TMC8: variants seen among roughly 807,000 people sequenced by gnomAD.
TMC8 encodes the protein transmembrane channel like 8, also known as transmembrane channel-like protein 8.
A neutral mutation model predicts 76.0 loss-of-function variants in TMC8; 71 were observed. The observed-to-expected ratio is 0.93, with a 90% confidence interval of 0.77 to 1.14. TMC8 has a LOEUF of 1.14. TMC8 is among the 50% of genes most tolerant of loss of function. The probability of loss-of-function intolerance (pLI) is 0.00; values close to 1 mark genes in which losing one functional copy is unlikely to be tolerated. For missense variants in TMC8, 924 were observed against 947.9 expected (o/e 0.97, Z 0.33); for synonymous variants, 433 against 433.8 (o/e 1.00, Z 0.02).
At chr17:78,140,157 T>C (rs948064688) in intron 15 of TMC8, among the ~76,000 whole-genome samples, 5 of 152,140 alleles carry the variant, frequency 3.3e-5, no homozygotes, top group African/African-American at 1.2e-4. Context: ...ACCTCGTCTC[T>C]ACTAAAAATC....
Position 78,131,594 on chromosome 17 carries a change from G to A in TMC8, c.6G>A (p.Leu2=), listed in dbSNP as rs1426590345. The A allele has an allele frequency of 1.7e-5, 26 of 1,546,056 alleles. No homozygotes were observed. The highest frequency in any genetic ancestry group is 2.1e-5 in the Non-Finnish European group (24 of 1,146,912). ...CTCTACCCGTGCCCGCCGAGATGCT[G>A]CTGCCGCGGTCGGTGTCATCGGAGC... M[L]LPRSVSSERA... is the part of the protein sequence containing the mutation. The change falls in exon 2 of 16, where the codon CTG becomes CTA. Residue 2 remains leucine, a synonymous_variant. Coordinates refer to ENST00000318430, the MANE Select transcript of TMC8 (RefSeq NM_152468.5).
chr17:78,133,611 G>A, intron 6 of TMC8, 69 bp downstream of exon 6: 1 of 1,599,782 alleles, frequency 6.3e-7, no homozygotes, highest in Non-Finnish European at 8.5e-7. Context: ...TCCTTGGCAG[G>A]GTACCCTCCC....
Position 78,141,190 on chromosome 17 carries a change from C to T in TMC8, c.*78C>T. On this transcript the variant is annotated 3_prime_UTR_variant, in exon 16 of 16. Transcript: ENST00000318430. ...CTCCATCTTCCAGACCCCTGGCGAC[C>T]ACCGCCCCTCTCAGTGGCTCCAGGG... 1 of 1,011,994 alleles carries T rather than the reference C, an allele frequency of 9.9e-7. No homozygotes were observed. The highest frequency in any genetic ancestry group is 1.4e-6 in the Non-Finnish European group (1 of 724,268). 62.7% of individuals were successfully genotyped at this position (1,011,994 alleles called of 1,614,324 possible).
rs917555491 is a variant in TMC8 at position 78,132,462 on chromosome 17, C to T, written c.402C>T (p.Pro134=). 2 of 1,612,138 alleles carry T rather than the reference C, an allele frequency of 1.2e-6. No homozygotes were observed. Among genetic ancestry groups the T allele is most frequent in the Non-Finnish European group, 1.7e-6 (2 of 1,179,510 alleles). ...LLLTASFVLL[P]LVWLRPPDPG... is the part of the protein sequence containing the mutation. ...TCACCGCAAGCTTCGTGCTGCTGCC[C>T]CTGGTCTGGCTCCGCCCCCCTGACC... The change falls in exon 4 of 16, where the codon CCC becomes CCT. Residue 134 remains proline, a synonymous_variant. Transcript: ENST00000318430.
In TMC8 at chr17:78,132,450, C is replaced by G. The variant is rs61755873; in HGVS notation, c.390C>G (p.Phe130Leu). The change falls in exon 4 of 16, where the codon TTC becomes TTG. Residue 130 changes from phenylalanine (F) to leucine (L), a missense_variant. By Grantham distance (22) the Phe-to-Leu change is conservative (BLOSUM62 0). Coordinates refer to ENST00000318430, the MANE Select transcript of TMC8 (RefSeq NM_152468.5). ...TGAGCCTGCTGCTCACCGCAAGCTT[C>G]GTGCTGCTGCCCCTGGTCTGGCTCC... ...NLLSLLLTASFVLLPLVWLRP... is the reference protein window; with the variant it reads ...NLLSLLLTASLVLLPLVWLRP... 166 of 1,612,576 alleles carry G rather than the reference C, an allele frequency of 1.0e-4. No individual in the cohort carries two copies. The African/African-American group carries it at 1.8e-3, about 18-fold the overall frequency.
At chr17:78,132,215 G>A in intron 3 of TMC8, 144 bp from the exon 4 acceptor site, 1 of 1,377,444 alleles carries the variant, frequency 7.3e-7, no homozygotes, top group South Asian at 1.2e-5. Flanking sequence ...GCACCCCCAG[G>A]TGACTGTCAG....
intron 5 of TMC8, 120 bp downstream of exon 5, chr17:78,132,990 T>A: frequency 8.6e-7 from 1 of 1,162,140 alleles, no homozygotes; most frequent in Non-Finnish European, 1.3e-6. Flanking sequence ...CCTCAGGGGA[T>A]GGTCTTACCT....
At chr17:78,138,250 C>T in intron 12 of TMC8, 62 bp downstream of exon 12, 1 of 1,612,588 alleles carries the variant, frequency 6.2e-7, no homozygotes, top group African/African-American at 1.3e-5. Context: ...TTGAGCTGGG[C>T]TCGCCTCCTG....
intron 10 of TMC8, 163 bp from the exon 11 acceptor site, chr17:78,137,554 G>A (rs988029630): frequency 1.7e-6 from 2 of 1,157,948 alleles, no homozygotes; most frequent in Non-Finnish European, 2.5e-6. Context: ...TGGCTGTGGG[G>A]CTTCCTGCTC....
intron 3 of TMC8, 113 bp downstream of exon 3, chr17:78,132,143 A>G (rs773022761): frequency 4.7e-6 from 7 of 1,484,736 alleles, no homozygotes; most frequent in South Asian, 2.4e-5. Context: ...CCCCCGACCA[A>G]TCGGCCCCTC....
At position 78,140,895 on chromosome 17, in the gene TMC8, C is replaced by T. The variant is rs747548315; in HGVS notation, c.1964C>T (p.Pro655Leu). ...DLSRLLPEPG[P>L]SDSPGPKYPA... ...TCGCGACTGCTGCCGGAGCCAGGCC[C>T]GAGCGACTCTCCGGGCCCCAAGTAC... The change falls in exon 16 of 16, where the codon CCG becomes CTG. Residue 655 changes from proline (P) to leucine (L), a missense_variant. Coordinates refer to ENST00000318430, the MANE Select transcript of TMC8 (RefSeq NM_152468.5). 2 of 1,608,900 alleles carry T rather than the reference C, an allele frequency of 1.2e-6. No individual in the cohort carries two copies. The highest frequency in any genetic ancestry group is 2.2e-5 in the East Asian group (1 of 44,664).
At position 78,131,725 on chromosome 17, in the gene TMC8, A is replaced by G. The variant is rs1296523340; in HGVS notation, c.137A>G (p.Lys46Arg). 4.4e-6 allele frequency: 7 copies of G among 1,584,630 alleles called. No homozygotes were observed. Among genetic ancestry groups the G allele is most frequent in the Non-Finnish European group, 6.0e-6 (7 of 1,167,566 alleles). ...GGGCTGCCCTATGCCATGATGGACA[A>G]GCGCCTCATCTGGTGGGTGCCACGC... is the stretch of plus-strand genomic sequence containing the variant. The part of the protein sequence containing the change: ...VRGLPYAMMD[K>R]RLIWQLREPA... The change falls in exon 2 of 16, where the codon AAG becomes AGG. Residue 46 changes from lysine (K) to arginine (R), a missense_variant. Coordinates refer to ENST00000318430, the MANE Select transcript of TMC8 (RefSeq NM_152468.5).
At position 78,133,836 on chromosome 17, in the gene TMC8, G is replaced by A. The variant is rs746393429; in HGVS notation, c.669-17G>A. On this transcript the variant is annotated splice_polypyrimidine_tract_variant and intron_variant, in intron 6 of 15. Coordinates refer to ENST00000318430, the MANE Select transcript of TMC8 (RefSeq NM_152468.5). ...AGGTGCCCCTCCTCCAGCAGCCCCTGGTCTCCTGCCCCGCAGGATGGTGAA... is the reference window on the plus strand; with the variant it reads ...AGGTGCCCCTCCTCCAGCAGCCCCTAGTCTCCTGCCCCGCAGGATGGTGAA... The A allele has an allele frequency of 6.2e-7, 1 of 1,612,880 alleles. No homozygotes were observed. Among genetic ancestry groups the A allele is most frequent in the Non-Finnish European group, 8.5e-7 (1 of 1,179,964 alleles).
chr17:78,137,698 C>T lies in TMC8; in HGVS notation c.1252-19C>T. 12 of 1,606,424 alleles carry T rather than the reference C, an allele frequency of 7.5e-6. No individual in the cohort carries two copies. The highest frequency in any genetic ancestry group is 1.0e-5 in the Non-Finnish European group (12 of 1,173,750). On this transcript the variant is annotated intron_variant, in intron 10 of 15. Coordinates refer to ENST00000318430, the MANE Select transcript of TMC8 (RefSeq NM_152468.5). ...GGGTGGCCGTGAGTGGTGACGGGTCCCCTTCCCCTGCACCCCAGTGCTGGG... is the reference window on the plus strand; with the variant it reads ...GGGTGGCCGTGAGTGGTGACGGGTCTCCTTCCCCTGCACCCCAGTGCTGGG...
rs1186836341 is a variant in TMC8, at chr17:78,134,473, A to G, written c.896A>G (p.Tyr299Cys). 22 of 1,613,744 alleles carry G rather than the reference A, an allele frequency of 1.4e-5. No individual in the cohort carries two copies. Among genetic ancestry groups the G allele is most frequent in the Non-Finnish European group, 1.8e-5 (21 of 1,180,024 alleles). Residue 299 changes from tyrosine (Y) to cysteine (C), a missense_variant, in exon 8 of 16, where the codon TAC (tyrosine) becomes TGC (cysteine). Tyr to Cys is a radical substitution (Grantham distance 194, BLOSUM62 -2). Coordinates refer to ENST00000318430, the MANE Select transcript of TMC8 (RefSeq NM_152468.5). ...CAGACGGCCTGCCGCCTGCTCTCCT[A>G]CCTGCGGGTCAACGTACTCAACGGG... ...RAQTACRLLS[Y>C]LRVNVLNGLL... is the part of the protein sequence containing the mutation.
In TMC8 at chr17:78,137,827, G is replaced by A. The variant is rs16970849; in HGVS notation, c.1349+13G>A. On this transcript the variant is annotated intron_variant, in intron 11 of 15. Coordinates refer to ENST00000318430, the MANE Select transcript of TMC8 (RefSeq NM_152468.5). Reference sequence around the variant, plus strand: ...CCCTGCCTCGGAGGTGAGCCCCGGGGTGACACCTCCAGAAGGGCGGGGGTG... The same window carrying A: ...CCCTGCCTCGGAGGTGAGCCCCGGGATGACACCTCCAGAAGGGCGGGGGTG... 0.066 allele frequency: 106,750 copies of A among 1,612,106 alleles called. 7,418 individuals are homozygous for A. The highest frequency in any genetic ancestry group is 0.31 in the Admixed American group (18,427 of 59,980).
At chr17:78,139,003 C>T (rs759669928) in intron 14 of TMC8, 159 bp from the exon 15 acceptor site, 15 of 1,559,372 alleles carry the variant, frequency 9.6e-6, no homozygotes, top group Non-Finnish European at 1.1e-5. Flanking sequence ...AGGGGCTCTG[C>T]GAGGAAGGAG....
At chr17:78,134,072 G>A in intron 7 of TMC8, 72 bp downstream of exon 7, 3 of 1,606,770 alleles carry the variant, frequency 1.9e-6, no homozygotes, top group South Asian at 2.2e-5. Flanking sequence ...AGAGCCACGT[G>A]TTCCAGGTGT....
In TMC8 at chr17:78,132,441, C is replaced by T. The variant is rs1322234531; in HGVS notation, c.381C>T (p.Thr127=). Residue 127 remains threonine, a synonymous_variant, in exon 4 of 16, where the codon ACC becomes ACT. Coordinates refer to ENST00000318430, the MANE Select transcript of TMC8 (RefSeq NM_152468.5). ...TCAACCTGCTGAGCCTGCTGCTCAC[C>T]GCAAGCTTCGTGCTGCTGCCCCTGG... is the stretch of plus-strand genomic sequence containing the variant. ...LLLNLLSLLL[T]ASFVLLPLVW... is the part of the protein sequence containing the mutation. 4 of 1,612,516 alleles carry T rather than the reference C, an allele frequency of 2.5e-6. No homozygotes were observed. In the South Asian group the frequency reaches 3.3e-5, roughly 13 times the overall value.
Sources: gnomAD v4.1 joint callset for allele counts (sites outside exome capture counted in the v4.1 genomes callset) on GRCh38, gnomAD v4.1.1 for gene constraint, MANE v1.5 for transcripts, NCBI Gene and HGNC (gene_info 2026-07-23, HGNC 2026-07-21) for gene names.